Variants in GPC3 observed in about 807,000 individuals in gnomAD.
GPC3 encodes the protein glypican-3.
A neutral mutation model predicts 34.4 loss-of-function variants in GPC3; 3 were observed. The observed-to-expected ratio is 0.09, with a 90% CI of 0.04 to 0.23. The LOEUF (loss-of-function observed/expected upper bound fraction) is 0.23, where lower values mean the gene tolerates loss of function less well. Among genes scored for constraint, GPC3 ranks in the 10% least tolerant of loss-of-function variants. The probability of loss-of-function intolerance (pLI) is 1.00; values close to 1 mark genes in which losing one functional copy is unlikely to be tolerated. For missense variants in GPC3, 351 were observed against 445.6 expected, an observed-to-expected ratio of 0.79 and a Z score of 1.91; for synonymous variants, 177 against 174.0, an observed-to-expected ratio of 1.02 and a Z score of -0.13.
intron 3 of GPC3, among the ~76,000 whole-genome samples, chrX:133,719,777 C>T (rs2071345824): frequency 8.9e-6 from 1 of 112,169 alleles, no homozygotes; most frequent in Non-Finnish European, 1.9e-5. Context: ...AATAAATAGA[C>T]AACCCACAGA....
At chrX:133,977,061 T>A (rs1201305404) in intron 1 of GPC3, among the ~76,000 whole-genome samples, 1 of 112,001 alleles carries the variant, frequency 8.9e-6, no homozygotes. Flanking sequence ...GTTTAGACAA[T>A]GATACATTCA....
chrX:133,875,017 G>A (rs934649164), intron 2 of GPC3, among the ~76,000 whole-genome samples: 2 of 112,214 alleles, frequency 1.8e-5, no homozygotes, highest in African/African-American at 6.5e-5. Flanking sequence ...ACTGGCTAGT[G>A]GAGTGTCTCA....
chrX:133,849,697 C>T (rs1438925544), intron 2 of GPC3, among the ~76,000 whole-genome samples: 1 of 111,651 alleles, frequency 9.0e-6, no homozygotes, highest in Non-Finnish European at 1.9e-5. Context: ...ATCCTTTGGT[C>T]CAGTCCTCAC....
At position 133,824,219 on chromosome X, in the gene GPC3, A is replaced by G. The variant is rs141732725; in HGVS notation, c.338-70043T>C. 3.6e-5 allele frequency among the ~76,000 whole-genome samples: 4 copies of G among 111,924 alleles called. No homozygotes were observed. The East Asian group carries it at 1.1e-3, about 32-fold the overall frequency. On this transcript the variant is annotated intron_variant, in intron 2 of 7. Coordinates refer to ENST00000370818, the MANE Select transcript of GPC3 (RefSeq NM_004484.4). ...TAAAATGATAGATATAGATCCAAAC[A>G]TATCAATAATGACATTAAATGTAAA...
intron 2 of GPC3, among the ~76,000 whole-genome samples, chrX:133,865,463 C>T (rs759711010): frequency 3.6e-5 from 4 of 111,567 alleles, no homozygotes; most frequent in East Asian, 2.8e-4. Context: ...TAATGAGCTA[C>T]GTATGTTCTT....
intron 5 of GPC3, among the ~76,000 whole-genome samples, chrX:133,677,654 T>C (rs1191039138): frequency 9.0e-6 from 1 of 111,433 alleles, no homozygotes; most frequent in Non-Finnish European, 1.9e-5. Flanking sequence ...ATCAGAGGCA[T>C]GTGAGTAGAG....
At chrX:133,838,146 T>A (rs768268808) in intron 2 of GPC3, among the ~76,000 whole-genome samples, 108 of 112,913 alleles carry the variant, frequency 9.6e-4, no homozygotes, top group African/African-American at 3.3e-3. Context: ...ATTCAAAATA[T>A]GCCATTTTAA....
chrX:133,622,406 C>T (rs1470314880), intron 6 of GPC3, among the ~76,000 whole-genome samples: 1 of 111,507 alleles, frequency 9.0e-6, no homozygotes, highest in Non-Finnish European at 1.9e-5. Flanking sequence ...AAGCTGAAAA[C>T]CTTGAAAAAA....
chrX:133,625,370 C>T (rs2070288059), intron 6 of GPC3, among the ~76,000 whole-genome samples: 1 of 111,873 alleles, frequency 8.9e-6, no homozygotes, highest in Non-Finnish European at 1.9e-5. Context: ...AAGAGGAAGT[C>T]AAATTGCCCC....
At chrX:133,832,805 G>T (rs933379098) in intron 2 of GPC3, among the ~76,000 whole-genome samples, 7 of 112,062 alleles carry the variant, frequency 6.2e-5, no homozygotes, top group African/African-American at 2.3e-4. Context: ...ATTTCTAAAG[G>T]CATACAGGAC....
intron 6 of GPC3, among the ~76,000 whole-genome samples, chrX:133,636,621 C>T (rs762591974): frequency 2.5e-3 from 283 of 112,218 alleles, no homozygotes; most frequent in African/African-American, 5.0e-3. Context: ...GAGCCAAGAT[C>T]ACGCCACTGC....
intron 2 of GPC3, among the ~76,000 whole-genome samples, chrX:133,771,625 A>T (rs962790871): frequency 1.8e-5 from 2 of 112,279 alleles, no homozygotes; most frequent in Admixed American, 1.9e-4. Flanking sequence ...TCAAAATGGT[A>T]TTGTTTAGGT....
chrX:133,851,343 A>G (rs2075872909), intron 2 of GPC3, among the ~76,000 whole-genome samples: 1 of 111,670 alleles, frequency 9.0e-6, no homozygotes, highest in African/African-American at 3.3e-5. Flanking sequence ...GTTGTTCTTT[A>G]CTTGTGCTTC....
chrX:133,563,286 G>A (rs2069554978), intron 7 of GPC3, among the ~76,000 whole-genome samples: 1 of 111,405 alleles, frequency 9.0e-6, no homozygotes, highest in South Asian at 3.9e-4. Flanking sequence ...CTGGAGTGTA[G>A]TGGCGTTGAT....
chrX:133,869,249 A>G (rs1391459975), intron 2 of GPC3, among the ~76,000 whole-genome samples: 3 of 112,111 alleles, frequency 2.7e-5, no homozygotes, highest in African/African-American at 9.7e-5. Context: ...TATAGACTAC[A>G]TTTAATATCT....
intron 2 of GPC3, among the ~76,000 whole-genome samples, chrX:133,788,088 T>TTTTATATATATA (rs1291090668): frequency 1.5e-4 from 10 of 64,913 alleles, no homozygotes; most frequent in East Asian, 6.4e-4. Context: ...TCATATTATT[T>TTTTATATATATA]TATATATATA....
At chrX:133,594,798 G>A (rs754330614) in intron 7 of GPC3, among the ~76,000 whole-genome samples, 1 of 110,948 alleles carries the variant, frequency 9.0e-6, no homozygotes, top group South Asian at 3.9e-4. Flanking sequence ...GCACAACAAT[G>A]TGCATATAAT....
intron 2 of GPC3, among the ~76,000 whole-genome samples, chrX:133,806,897 C>T (rs774190160): frequency 3.4e-3 from 379 of 111,468 alleles, no homozygotes; most frequent in African/African-American, 0.012. Flanking sequence ...ATCCATCCAC[C>T]TCGGCCTCCC....
At chrX:133,971,767 C>A (rs2076494920) in intron 1 of GPC3, among the ~76,000 whole-genome samples, 1 of 110,677 alleles carries the variant, frequency 9.0e-6, no homozygotes, top group Non-Finnish European at 1.9e-5. Flanking sequence ...ATATTGAGCC[C>A]CAGGAGGGCT....
Sources: allele counts gnomAD v4.1 joint callset (sites outside exome capture counted in the v4.1 genomes callset), GRCh38; gene constraint gnomAD v4.1.1; transcripts MANE v1.5; gene names NCBI Gene and HGNC (gene_info 2026-07-23, HGNC 2026-07-21).